HIVEP3: variants seen among roughly 807,000 people sequenced by gnomAD.
HIVEP3 encodes the protein transcription factor HIVEP3.
HIVEP3 carries 49 observed loss-of-function variants against 152.8 expected under a neutral mutation model. The observed-to-expected ratio is 0.32, with a 90% CI of 0.26 to 0.41. HIVEP3 has a LOEUF of 0.41. HIVEP3 is among the 10% of genes least tolerant of loss of function. The pLI, the probability that HIVEP3 is intolerant of heterozygous loss-of-function variation, is 1.00. For synonymous variants in HIVEP3, 1,269 were observed against 1,289.0 expected, an observed-to-expected ratio of 0.98 and a Z score of 0.33; for missense variants, 2,790 against 3,103.3, an observed-to-expected ratio of 0.90 and a Z score of 2.40.
chr1:41,704,721 T>G (rs980619320), intron 1 of HIVEP3, among the ~76,000 whole-genome samples: 6 of 152,250 alleles, frequency 3.9e-5, no homozygotes, highest in Admixed American at 3.3e-4. Flanking sequence ...CAGCTGCCCA[T>G]GTCTGTTTCC....
At chr1:41,958,309 A>T (rs1225620391) in intron 1 of HIVEP3, among the ~76,000 whole-genome samples, 2 of 152,216 alleles carry the variant, frequency 1.3e-5, no homozygotes, top group Non-Finnish European at 2.9e-5. Context: ...AGGGTTCAGG[A>T]GCGAGACAAT....
intron 1 of HIVEP3, among the ~76,000 whole-genome samples, chr1:42,019,294 T>C (rs1213541301): frequency 3.3e-5 from 5 of 152,024 alleles, no homozygotes; most frequent in Non-Finnish European, 4.4e-5. Flanking sequence ...TGCTAGAATT[T>C]TGAATGGCTT....
At chr1:41,857,266 C>T (rs1890084) in intron 1 of HIVEP3, among the ~76,000 whole-genome samples, 31,113 of 152,056 alleles carry the variant, frequency 0.2, 3,433 homozygotes, top group African/African-American at 0.29. Context: ...TACTCTGCTT[C>T]CATCCAACTG....
chr1:41,528,894 C>T (rs1643125036), intron 5 of HIVEP3, among the ~76,000 whole-genome samples: 1 of 142,384 alleles, frequency 7.0e-6, no homozygotes, highest in South Asian at 2.3e-4. Context: ...CACACCTTCA[C>T]TCCACACCCC....
intron 5 of HIVEP3, among the ~76,000 whole-genome samples, chr1:41,530,247 C>T (rs975427720): frequency 2.6e-5 from 4 of 152,336 alleles, no homozygotes; most frequent in Admixed American, 6.5e-5. Flanking sequence ...CCAGGACACG[C>T]GCCACCTTGC....
chr1:41,910,605 A>G (rs1557512625), intron 1 of HIVEP3, among the ~76,000 whole-genome samples: 1 of 152,056 alleles, frequency 6.6e-6, no homozygotes, highest in South Asian at 2.1e-4. Flanking sequence ...AAACTTCTAA[A>G]TTTTATTAGC....
chr1:41,636,432 A>G (rs969883314), intron 2 of HIVEP3, among the ~76,000 whole-genome samples: 1 of 152,246 alleles, frequency 6.6e-6, no homozygotes, highest in South Asian at 2.1e-4. Context: ...ATTGGACCTC[A>G]GTGCTCTTAA....
chr1:41,763,108 C>T (rs1354487805), intron 1 of HIVEP3, among the ~76,000 whole-genome samples: 1 of 152,210 alleles, frequency 6.6e-6, no homozygotes, highest in African/African-American at 2.4e-5. Context: ...CAAGTCTCTT[C>T]TCTGGGGCTT....
rs1645741661 is a variant in HIVEP3, at chr1:41,662,962, G to A, written c.-720-34015C>T. On this transcript the variant is annotated intron_variant, in intron 2 of 8. Coordinates refer to ENST00000372583, the MANE Select transcript of HIVEP3 (RefSeq NM_024503.5). This position sits in a 1 kb window ranked among gnomAD's most constrained non-coding sequence, Gnocchi z 7.2. ...GCTTTAATGAGCTCTGGGCGGGGCG[G>A]GCCTGCCAGGGCCTCCCTGGGCTCA... 6.6e-6 allele frequency among the ~76,000 whole-genome samples: 1 copy of A among 152,178 alleles called. No homozygotes were observed. The highest frequency in any genetic ancestry group is 1.5e-5 in the Non-Finnish European group (1 of 67,994).
At chr1:41,571,254 C>G (rs1644248374) in intron 5 of HIVEP3, among the ~76,000 whole-genome samples, 1 of 152,254 alleles carries the variant, frequency 6.6e-6, no homozygotes, top group African/African-American at 2.4e-5. Context: ...TGTAAGCCCA[C>G]TGGGCTGAAT....
At chr1:41,634,098 C>T (rs1415164004) in intron 2 of HIVEP3, among the ~76,000 whole-genome samples, 1 of 150,568 alleles carries the variant, frequency 6.6e-6, no homozygotes, top group Non-Finnish European at 1.5e-5. Flanking sequence ...TAGTGTGACA[C>T]CCACCACCCA....
chr1:41,625,532 T>C (rs964961475), intron 3 of HIVEP3, among the ~76,000 whole-genome samples: 1 of 152,196 alleles, frequency 6.6e-6, no homozygotes, highest in African/African-American at 2.4e-5. Context: ...GTGTCGCTAA[T>C]AACATAATAA....
chr1:41,791,162 ACAC>A (rs1237328031), intron 1 of HIVEP3, among the ~76,000 whole-genome samples: 1 of 140,360 alleles, frequency 7.1e-6, no homozygotes, highest in African/African-American at 2.8e-5. Context: ...ACACACACAC[ACAC>A]GAGTCTACAC....
intron 1 of HIVEP3, among the ~76,000 whole-genome samples, chr1:42,017,951 T>C (rs751878917): frequency 1.3e-5 from 2 of 152,140 alleles, no homozygotes; most frequent in Non-Finnish European, 2.9e-5. Flanking sequence ...TGTCCGACTT[T>C]TTAAATTTAG....
intron 1 of HIVEP3, among the ~76,000 whole-genome samples, chr1:41,903,628 C>T (rs2124456488): frequency 6.6e-6 from 1 of 152,328 alleles, no homozygotes. Flanking sequence ...AGCATCTGTC[C>T]TTGTTTCTTG....
intron 1 of HIVEP3, among the ~76,000 whole-genome samples, chr1:41,963,356 C>T (rs72671302): frequency 0.015 from 2,249 of 152,248 alleles, 47 homozygotes; most frequent in African/African-American, 0.051. Flanking sequence ...GGCAAAATCA[C>T]TCCGAGTTTT....
intron 1 of HIVEP3, among the ~76,000 whole-genome samples, chr1:41,824,774 T>TAGAGAGAG (rs1642726601): frequency 7.8e-5 from 1 of 12,824 alleles, no homozygotes; most frequent in Non-Finnish European, 1.9e-4. Context: ...TATATATATA[T>TAGAGAGAG]ATATATATAT....
intron 1 of HIVEP3, among the ~76,000 whole-genome samples, chr1:41,867,278 G>A (rs1643994589): frequency 6.6e-6 from 1 of 152,160 alleles, no homozygotes; most frequent in Non-Finnish European, 1.5e-5. Context: ...AGCAGGCATT[G>A]GCAAGCTTTT....
chr1:41,637,850 G>C (rs1213236245), intron 2 of HIVEP3, among the ~76,000 whole-genome samples: 1 of 152,188 alleles, frequency 6.6e-6, no homozygotes, highest in Non-Finnish European at 1.5e-5. Flanking sequence ...TCCGGAACTG[G>C]GGCAGAGCAG....
Sources: gnomAD v4.1 joint callset for allele counts (sites outside exome capture counted in the v4.1 genomes callset) on GRCh38, gnomAD v4.1.1 for gene constraint, Gnocchi (gnomAD v3.1) non-coding constraint, MANE v1.5 for transcripts, NCBI Gene and HGNC (gene_info 2026-07-23, HGNC 2026-07-21) for gene names.